MAP3K15: variants seen among roughly 807,000 people sequenced by gnomAD.
MAP3K15 encodes the protein MAPK/ERK kinase kinase 15.
Under a neutral mutation model 99.5 loss-of-function variants are expected in MAP3K15, and 124 were observed. The observed-to-expected ratio is 1.25, with a 90% CI of 1.08 to 1.45. The LOEUF (loss-of-function observed/expected upper bound fraction) is 1.45. Among genes scored for constraint, MAP3K15 ranks in the 40% most tolerant of loss-of-function variants. MAP3K15 has a pLI of 0.00. For missense variants in MAP3K15, 1,242 were observed against 1,079.7 expected (o/e 1.15, Z -2.11); for synonymous variants, 494 against 439.6 (o/e 1.12, Z -1.55).
intron 11 of MAP3K15, among the ~76,000 whole-genome samples, chrX:19,411,682 G>C (rs1602283193): frequency 9.1e-6 from 1 of 110,134 alleles, no homozygotes; most frequent in East Asian, 2.9e-4. Flanking sequence ...TAAAGTGGGG[G>C]AAGAAGGAAG....
intron 3 of MAP3K15, among the ~76,000 whole-genome samples, chrX:19,471,978 T>A (rs2064210567): frequency 1.8e-5 from 2 of 111,535 alleles, no homozygotes; most frequent in South Asian, 3.8e-4. Context: ...ATCCCAGCAC[T>A]TTGGGAGGCC....
At chrX:19,470,498 A>G (rs2064200957) in intron 3 of MAP3K15, among the ~76,000 whole-genome samples, 1 of 109,055 alleles carries the variant, frequency 9.2e-6, no homozygotes. Context: ...AAATGTATAC[A>G]TATGTAACAA....
chrX:19,377,721 T>C (rs953448578), intron 19 of MAP3K15, among the ~76,000 whole-genome samples: 1 of 111,716 alleles, frequency 9.0e-6, no homozygotes, highest in African/African-American at 3.3e-5. Flanking sequence ...GTGGGCCTCA[T>C]GTTTTCCTCG....
intron 6 of MAP3K15, among the ~76,000 whole-genome samples, chrX:19,450,452 G>C (rs1045846079): frequency 9.1e-6 from 1 of 110,208 alleles, no homozygotes. Context: ...CTGAATAAAG[G>C]CAGCATTGCC....
chrX:19,380,531 C>CTT (rs1427120012), intron 18 of MAP3K15, among the ~76,000 whole-genome samples: 2 of 105,557 alleles, frequency 1.9e-5, no homozygotes, highest in African/African-American at 6.8e-5. Flanking sequence ...ATGGTTGCTT[C>CTT]TTTTTTTTTT....
intron 18 of MAP3K15, among the ~76,000 whole-genome samples, chrX:19,389,270 T>C (rs2063511325): frequency 1.0e-5 from 1 of 99,422 alleles, no homozygotes; most frequent in Non-Finnish European, 2.0e-5. Flanking sequence ...GGTGCTTTGA[T>C]GATATGTCAG....
At chrX:19,471,630 A>C in intron 3 of MAP3K15, among the ~76,000 whole-genome samples, 1 of 111,670 alleles carries the variant, frequency 9.0e-6, no homozygotes, top group Middle Eastern at 4.6e-3. Context: ...AGTGGGATAA[A>C]GGCAAAGAGG....
At chrX:19,447,680 G>A (rs962954490) in intron 6 of MAP3K15, among the ~76,000 whole-genome samples, 1 of 100,379 alleles carries the variant, frequency 1.0e-5, no homozygotes, top group African/African-American at 3.6e-5. Flanking sequence ...TCAGGAGATG[G>A]AGACCATCCC....
chrX:19,495,605 C>G (rs2064396136), intron 1 of MAP3K15, among the ~76,000 whole-genome samples: 1 of 109,844 alleles, frequency 9.1e-6, no homozygotes. Flanking sequence ...ACCAGTTTTT[C>G]CAAAAGAAAT....
At chrX:19,413,274 T>C in intron 11 of MAP3K15, 83 bp downstream of exon 11, 1 of 631,445 alleles carries the variant, frequency 1.6e-6, no homozygotes, top group South Asian at 2.9e-5. Context: ...AAGTTAAACA[T>C]GGGTGCCTTT....
At chrX:19,377,208 G>A (rs2063424647) in intron 19 of MAP3K15, among the ~76,000 whole-genome samples, 1 of 112,495 alleles carries the variant, frequency 8.9e-6, no homozygotes, top group South Asian at 3.6e-4. Context: ...CTTTCTCATT[G>A]GCAATGAAAA....
chrX:19,392,509 A>G, intron 16 of MAP3K15, 36 bp from the exon 17 acceptor site: 1 of 1,187,682 alleles, frequency 8.4e-7, no homozygotes, highest in Admixed American at 2.3e-5. Context: ...TATCAGGAAG[A>G]GAAAGTTTCA....
At chrX:19,429,609 A>AG (rs2063862164) in intron 7 of MAP3K15, among the ~76,000 whole-genome samples, 1 of 109,411 alleles carries the variant, frequency 9.1e-6, no homozygotes, top group Non-Finnish European at 1.9e-5. Context: ...AGGTGGACAA[A>AG]GGGGGGGAGG....
chrX:19,428,968 CA>C (rs2063856548), intron 7 of MAP3K15, among the ~76,000 whole-genome samples: 1 of 105,489 alleles, frequency 9.5e-6, no homozygotes, highest in Non-Finnish European at 1.9e-5. Flanking sequence ...GACTCAGTCT[CA>C]AAAAAAGAAA....
intron 1 of MAP3K15, among the ~76,000 whole-genome samples, chrX:19,491,048 C>T (rs1406282461): frequency 9.0e-6 from 1 of 111,222 alleles, no homozygotes; most frequent in African/African-American, 3.3e-5. Flanking sequence ...CAACAGAGGC[C>T]AGTTGAACAA....
chrX:19,394,062 T>C lies in MAP3K15; in HGVS notation c.2194+1019A>G, dbSNP rs181151029. 9.8e-3 allele frequency among the ~76,000 whole-genome samples: 1,067 copies of C among 108,941 alleles called. 18 individuals carry two copies. Among genetic ancestry groups the C allele is most frequent in the African/African-American group, 0.034 (1,025 of 29,952 alleles). 94.6% of individuals were successfully genotyped at this position (108,941 alleles called of 115,157 possible). A position where few individuals can be genotyped will look rare whatever the true frequency, so the allele number is the denominator to read the frequency against. Reference sequence around the variant, plus strand: ...GTGCTGGGATTACAGGCGTGACCACTGTGCCTGGCTGACTGCCTGGCTCTT... The same window carrying C: ...GTGCTGGGATTACAGGCGTGACCACCGTGCCTGGCTGACTGCCTGGCTCTT... On this transcript the variant is annotated intron_variant, in intron 16 of 28. Transcript: ENST00000338883.
intron 3 of MAP3K15, among the ~76,000 whole-genome samples, chrX:19,469,129 ACG>A (rs1654077641): frequency 9.0e-6 from 1 of 111,526 alleles, no homozygotes; most frequent in African/African-American, 3.3e-5. Context: ...TGGAGGCATC[ACG>A]CTACCTGACT....
At chrX:19,439,183 T>C (rs1005338934) in intron 6 of MAP3K15, among the ~76,000 whole-genome samples, 1 of 111,417 alleles carries the variant, frequency 9.0e-6, no homozygotes, top group African/African-American at 3.3e-5. Flanking sequence ...CCTCTCACCA[T>C]ATGAGCTGCC....
rs143293364 is a variant in MAP3K15, at chrX:19,371,484, A to G, written c.3155T>C (p.Ile1052Thr). The G allele has an allele frequency of 6.0e-5, 73 of 1,208,570 alleles. No homozygotes were observed. The highest frequency in any genetic ancestry group is 5.4e-4 in the African/African-American group (31 of 57,177). ...GCGGATGAAGTCCCTCAGGATCCCA[A>G]TGATTTGCTTGATGTGTCCAACTGA... Reference protein sequence around the residue: ...HLSVGHIKQIIGILRDFIRSP... With the variant: ...HLSVGHIKQITGILRDFIRSP... The change falls in exon 23 of 29, where the codon ATT becomes ACT. Residue 1052 changes from isoleucine to threonine, a missense_variant. Coordinates refer to ENST00000338883, the MANE Select transcript of MAP3K15 (RefSeq NM_001001671.4).
Sources: gnomAD v4.1 joint callset for allele counts (sites outside exome capture counted in the v4.1 genomes callset) on GRCh38, gnomAD v4.1.1 for gene constraint, MANE v1.5 for transcripts, NCBI Gene and HGNC (gene_info 2026-07-23, HGNC 2026-07-21) for gene names.